Variants in NAMPT observed in about 807,000 individuals in gnomAD.
NAMPT encodes the protein nicotinamide phosphoribosyltransferase.
In NAMPT, 7 loss-of-function variants were observed where a neutral mutation model predicts 58.7. That is an observed-to-expected ratio of 0.12 (90% CI 0.07 to 0.22). The LOEUF (loss-of-function observed/expected upper bound fraction) is 0.22, where lower values mean the gene tolerates loss of function less well. Ranked by LOEUF, NAMPT falls within the 10% of genes least tolerant of loss-of-function variation. The pLI, the probability that NAMPT is intolerant of heterozygous loss-of-function variation, is 1.00. For missense variants in NAMPT, 271 were observed against 567.9 expected, an observed-to-expected ratio of 0.48 and a Z score of 5.31; for synonymous variants, 145 against 198.1, an observed-to-expected ratio of 0.73 and a Z score of 2.25.
In NAMPT at chr7:106,267,298, A is replaced by G. The variant is rs376970872; in HGVS notation, c.743+1166T>C. On this transcript the variant is annotated intron_variant, in intron 6 of 10. Coordinates refer to ENST00000222553, the MANE Select transcript of NAMPT (RefSeq NM_005746.3). ...TTACTAGTGTATTATTTTCATCCTG[A>G]GAATAGGGTCAGTTTTTTAAAAATA... Among the ~76,000 whole-genome samples, 3 of 152,292 alleles carry G rather than the reference A, an allele frequency of 2.0e-5. 1 individual carries two copies. The highest frequency in any genetic ancestry group is 6.5e-5 in the Admixed American group (1 of 15,296).
At chr7:106,255,905 A>G (rs891912754) in intron 8 of NAMPT, among the ~76,000 whole-genome samples, 3 of 152,206 alleles carry the variant, frequency 2.0e-5, no homozygotes, top group Admixed American at 6.5e-5. Flanking sequence ...CTGACCTGTC[A>G]CCTCATTTTA....
chr7:106,267,704 A>G (rs868490460), intron 6 of NAMPT, among the ~76,000 whole-genome samples: 9 of 149,556 alleles, frequency 6.0e-5, no homozygotes, highest in Admixed American at 3.3e-4. Flanking sequence ...AGCCGGGCGT[A>G]GTGGCGGGCG....
At chr7:106,273,229 C>T (rs1029555219) in intron 3 of NAMPT, among the ~76,000 whole-genome samples, 3 of 152,172 alleles carry the variant, frequency 2.0e-5, no homozygotes, top group Admixed American at 1.3e-4. Flanking sequence ...AGAATCTTGG[C>T]AATTAACACT....
In NAMPT at chr7:106,265,567, T is replaced by TAAAA. The variant is rs35685666; in HGVS notation, c.744-1954_744-1951dup. Among the ~76,000 whole-genome samples the TAAAA allele has an allele frequency of 1.9e-3, 226 of 116,410 alleles. 1 individual carries two copies. The highest frequency in any genetic ancestry group is 6.4e-3 in the Admixed American group (73 of 11,468). The allele number at this position is 116,410 out of a possible 152,430, so 76.4% of individuals were successfully genotyped here. A position where few individuals can be genotyped will look rare whatever the true frequency, so the allele number is the denominator to read the frequency against. On this transcript the variant is annotated intron_variant, in intron 6 of 10. Transcript: ENST00000222553. ...ACCTTGTGTGAAACACTCAAAAGCT[T>TAAAA]AAAAAAAAAAAAAAAAAAAAAGTCC...
chr7:106,276,906 A>G (rs1370056236), intron 2 of NAMPT, 117 bp downstream of exon 2: 1 of 830,256 alleles, frequency 1.2e-6, no homozygotes, highest in Non-Finnish European at 1.9e-6. Context: ...TCAAACACAC[A>G]CCAAATTATA....
intron 8 of NAMPT, among the ~76,000 whole-genome samples, chr7:106,261,159 C>A (rs1792294465): frequency 6.6e-6 from 1 of 152,164 alleles, no homozygotes; most frequent in African/African-American, 2.4e-5. Flanking sequence ...TGATGACAGT[C>A]AATGCTTAAT....
At chr7:106,257,245 G>A (rs2115735363) in intron 8 of NAMPT, among the ~76,000 whole-genome samples, 1 of 151,984 alleles carries the variant, frequency 6.6e-6, no homozygotes, top group Non-Finnish European at 1.5e-5. Flanking sequence ...TTTCACTAAT[G>A]CCAAAGAGTA....
rs761581800 is a variant in NAMPT, at chr7:106,263,605, A to G, written c.756T>C (p.Ala252=). The G allele has an allele frequency of 1.2e-5, 19 of 1,612,622 alleles. No individual in the cohort carries two copies. The highest frequency in any genetic ancestry group is 1.5e-5 in the Non-Finnish European group (18 of 1,178,976). Residue 252 remains alanine (A), a synonymous_variant, in exon 7 of 11, where the codon GCT becomes GCC. Coordinates refer to ENST00000222553, the MANE Select transcript of NAMPT (RefSeq NM_005746.3). Reference sequence around the variant, plus strand: ...CATCTTTTTCATGGTCTTTCCCCCAAGCTGTTATGGTACTAGAAAAAAAAA... The same window carrying G: ...CATCTTTTTCATGGTCTTTCCCCCAGGCTGTTATGGTACTAGAAAAAAAAA... ...VPAAEHSTIT[A]WGKDHEKDAF...
rs752327825 is a variant in NAMPT at position 106,261,574 on chromosome 7, T to C, written c.1089+14A>G. 3.9e-6 allele frequency: 6 copies of C among 1,523,026 alleles called. No homozygotes were observed. In the South Asian group the frequency reaches 4.8e-5, roughly 12 times the overall value. 94.3% of individuals were successfully genotyped at this position (1,523,026 alleles called of 1,614,324 possible). A position where few individuals can be genotyped will look rare whatever the true frequency, so the allele number is the denominator to read the frequency against. ...AGAAATGCCTTATTGAAACTTTTAATATAAAACACATACCTCTTGTAAGGT... is the reference window on the plus strand; with the variant it reads ...AGAAATGCCTTATTGAAACTTTTAACATAAAACACATACCTCTTGTAAGGT... On this transcript the variant is annotated intron_variant, in intron 8 of 10. Transcript: ENST00000222553.
At chr7:106,267,862 A>C (rs1386414387) in intron 6 of NAMPT, among the ~76,000 whole-genome samples, 8 of 138,074 alleles carry the variant, frequency 5.8e-5, no homozygotes, top group African/African-American at 1.8e-4. Context: ...AAAAAAAAAA[A>C]AAAAAAAAAA....
chr7:106,251,242 C>A (rs368253860), intron 10 of NAMPT, 49 bp from the exon 11 acceptor site: 1 of 1,212,070 alleles, frequency 8.3e-7, no homozygotes, highest in East Asian at 2.3e-5. Context: ...AAGCAAAATA[C>A]CTGAATCCTG....
At chr7:106,266,845 G>A (rs971763844) in intron 6 of NAMPT, among the ~76,000 whole-genome samples, 5 of 152,162 alleles carry the variant, frequency 3.3e-5, no homozygotes, top group Non-Finnish European at 7.3e-5. Flanking sequence ...GTCAGTGCCT[G>A]CTTCCATTTG....
chr7:106,269,166 G>C lies in NAMPT; in HGVS notation c.594C>G (p.Val198=), dbSNP rs940126434. ...YKLHDFGYRG[V]SSQETAGIGA... ...TTCAGTTACTTACCTCTTGGGAAGA[G>C]ACTCCTCTGTAGCCAAAATCATGTA... Residue 198 remains valine, a synonymous_variant, in exon 5 of 11, where the codon GTC becomes GTG. Coordinates refer to ENST00000222553, the MANE Select transcript of NAMPT (RefSeq NM_005746.3). 5.6e-6 allele frequency: 9 copies of C among 1,610,612 alleles called. No homozygotes were observed. Among genetic ancestry groups the C allele is most frequent in the Non-Finnish European group, 6.8e-6 (8 of 1,178,702 alleles).
chr7:106,270,943 T>G (rs1204975081), intron 4 of NAMPT, among the ~76,000 whole-genome samples: 1 of 152,222 alleles, frequency 6.6e-6, no homozygotes, highest in Non-Finnish European at 1.5e-5. Context: ...TCTTAAACTC[T>G]ATAACCAATC....
intron 2 of NAMPT, chr7:106,275,805 C>A (rs1019191910): frequency 3.9e-5 from 6 of 152,074 alleles, no homozygotes; most frequent in African/African-American, 1.2e-4. Context: ...GAGGCCAAGG[C>A]GGGCGGGTCG....
intron 8 of NAMPT, among the ~76,000 whole-genome samples, chr7:106,257,627 C>A (rs1328530418): frequency 3.8e-4 from 53 of 139,466 alleles, no homozygotes; most frequent in South Asian, 6.7e-4. Flanking sequence ...GAGTCCCTGT[C>A]AAAAAAAAAA....
intron 8 of NAMPT, 152 bp from the exon 9 acceptor site, chr7:106,254,656 G>A: frequency 1.2e-6 from 1 of 832,900 alleles, no homozygotes; most frequent in Non-Finnish European, 1.8e-6. Flanking sequence ...TGTTTTTAAA[G>A]ACCCACCCAC....
At chr7:106,279,224 G>A (rs529379314) in intron 1 of NAMPT, among the ~76,000 whole-genome samples, 1 of 152,278 alleles carries the variant, frequency 6.6e-6, no homozygotes, top group East Asian at 1.9e-4. Context: ...ATACAAAAAT[G>A]TCTGAACTGC....
At chr7:106,264,575 A>G (rs540895813) in intron 6 of NAMPT, among the ~76,000 whole-genome samples, 1 of 152,180 alleles carries the variant, frequency 6.6e-6, no homozygotes, top group African/African-American at 2.4e-5. Context: ...TTGAGCAAAA[A>G]GTTTCAGATT....
Sources: gnomAD v4.1 joint callset for allele counts (sites outside exome capture counted in the v4.1 genomes callset) on GRCh38, gnomAD v4.1.1 for gene constraint, MANE v1.5 for transcripts, NCBI Gene and HGNC (gene_info 2026-07-23, HGNC 2026-07-21) for gene names.